The following SLC4A4 variants were observed in gnomAD, a reference collection of about 807,000 sequenced individuals.
SLC4A4 encodes solute carrier family 4 member 4.
In SLC4A4, 27 loss-of-function variants were observed where a neutral mutation model predicts 111.5. The observed-to-expected ratio is 0.24, with a 90% CI of 0.18 to 0.33. The LOEUF is 0.33. SLC4A4 is among the 10% of genes least tolerant of loss of function. The pLI, the probability that SLC4A4 is intolerant of heterozygous loss-of-function variation, is 1.00. For missense variants in SLC4A4, 909 were observed against 1,315.5 expected (o/e 0.69, Z 4.78); for synonymous variants, 443 against 463.4 (o/e 0.96, Z 0.57).
chr4:71,101,280 A>T (rs1458511117), intron 2 of SLC4A4, among the ~76,000 whole-genome samples: 3 of 152,098 alleles, frequency 2.0e-5, no homozygotes, highest in Non-Finnish European at 2.9e-5. Context: ...AAAACAAAAA[A>T]AATTCCATGC....
intron 2 of SLC4A4, among the ~76,000 whole-genome samples, chr4:71,238,033 C>T (rs1380811984): frequency 6.6e-6 from 1 of 152,046 alleles, no homozygotes; most frequent in Non-Finnish European, 1.5e-5. Flanking sequence ...GTCACTGTCC[C>T]AGTGTCAAAG....
intron 15 of SLC4A4, among the ~76,000 whole-genome samples, chr4:71,489,664 G>A (rs763640754): frequency 4.6e-5 from 7 of 151,702 alleles, no homozygotes; most frequent in East Asian, 2.0e-4. Context: ...AGGCTATTGC[G>A]TCCTCCGTCT....
chr4:71,156,588 G>GCGCGCGCACGCA lies in SLC4A4; in HGVS notation c.-2+63797_-2+63798insGCGCGCACGCAC, dbSNP rs376043069. 3.7e-3 allele frequency among the ~76,000 whole-genome samples: 510 copies of GCGCGCGCACGCA among 138,546 alleles called. 3 individuals carry two copies. Among genetic ancestry groups the GCGCGCGCACGCA allele is most frequent in the African/African-American group, 0.013 (490 of 36,612 alleles). 90.9% of individuals were successfully genotyped at this position (138,546 alleles called of 152,430 possible). On this transcript the variant is annotated intron_variant, in intron 2 of 26. Coordinates refer to the SLC4A4 transcript ENST00000649996. The stretch of plus-strand genomic sequence containing the variant: ...TGTGCGCGCATGCGCGCGCGCGCGC[G>GCGCGCGCACGCA]CACACACACACACACACACACACAC...
At chr4:71,552,392 T>TA (rs1736078372) in intron 20 of SLC4A4, among the ~76,000 whole-genome samples, 1 of 151,404 alleles carries the variant, frequency 6.6e-6, no homozygotes, top group South Asian at 2.1e-4. Context: ...CACACACACA[T>TA]ACAGTGACGA....
At chr4:71,172,172 T>C (rs1044014315) in intron 2 of SLC4A4, among the ~76,000 whole-genome samples, 3 of 152,196 alleles carry the variant, frequency 2.0e-5, no homozygotes, top group African/African-American at 7.2e-5. Context: ...GAAAGGAGTT[T>C]ACCTATCAAT....
At chr4:71,250,983 C>T (rs537656365) in intron 2 of SLC4A4, among the ~76,000 whole-genome samples, 9 of 152,228 alleles carry the variant, frequency 5.9e-5, no homozygotes, top group South Asian at 2.1e-4. Flanking sequence ...TAAAACACCT[C>T]GCAGTGCTTG....
chr4:71,311,169 T>C (rs1479788769), intron 3 of SLC4A4, among the ~76,000 whole-genome samples: 2 of 152,134 alleles, frequency 1.3e-5, no homozygotes, highest in Non-Finnish European at 2.9e-5. Context: ...ATGCACCCAA[T>C]ACAGGAGCAC....
At chr4:71,310,018 C>G (rs939528195) in intron 3 of SLC4A4, among the ~76,000 whole-genome samples, 2 of 151,552 alleles carry the variant, frequency 1.3e-5, no homozygotes, top group African/African-American at 4.9e-5. Flanking sequence ...AAACACAGCA[C>G]GAGAACTTCG....
chr4:71,485,399 AT>A (rs985482112), intron 14 of SLC4A4, among the ~76,000 whole-genome samples: 2 of 151,236 alleles, frequency 1.3e-5, no homozygotes, highest in Non-Finnish European at 3.0e-5. Context: ...ATAATCTGGT[AT>A]TTTTTTCTTT....
intron 1 of SLC4A4, among the ~76,000 whole-genome samples, chr4:71,087,418 G>A (rs1371627659): frequency 6.6e-6 from 1 of 151,944 alleles, no homozygotes; most frequent in East Asian, 1.9e-4. Flanking sequence ...GTTCTGCTCT[G>A]ATCTTAGTTA....
At chr4:71,566,437 G>A (rs1481104962) in intron 24 of SLC4A4, among the ~76,000 whole-genome samples, 1 of 151,736 alleles carries the variant, frequency 6.6e-6, no homozygotes. Context: ...AAAAGTTTAT[G>A]TGCCATTTGC....
intron 2 of SLC4A4, among the ~76,000 whole-genome samples, chr4:71,126,206 G>A (rs1396141429): frequency 6.6e-6 from 1 of 152,096 alleles, no homozygotes; most frequent in Non-Finnish European, 1.5e-5. Flanking sequence ...TTTCAATGAT[G>A]TGCATATTTT....
At chr4:71,534,435 A>G (rs1161342261) in intron 18 of SLC4A4, 47 bp downstream of exon 18, 2 of 1,581,938 alleles carry the variant, frequency 1.3e-6, no homozygotes, top group Admixed American at 1.7e-5. Context: ...CTTTCTTTTT[A>G]GTACTTGAAA....
chr4:71,325,845 G>A (rs561262157), intron 3 of SLC4A4, among the ~76,000 whole-genome samples: 2 of 151,932 alleles, frequency 1.3e-5, no homozygotes, highest in East Asian at 3.9e-4. Flanking sequence ...GAGCTTAAAG[G>A]TGGTTACTAA....
chr4:71,152,892 AG>A (rs1744346520), intron 2 of SLC4A4, among the ~76,000 whole-genome samples: 1 of 151,294 alleles, frequency 6.6e-6, no homozygotes, highest in African/African-American at 2.4e-5. Context: ...TTTTATCCTC[AG>A]GAAAGTGTCA....
intron 2 of SLC4A4, among the ~76,000 whole-genome samples, chr4:71,111,102 TA>T (rs1014493869): frequency 1.8e-4 from 27 of 152,240 alleles, no homozygotes; most frequent in African/African-American, 6.3e-4. Context: ...ATTTACAGGA[TA>T]AAAAAATTAT....
chr4:71,088,583 C>T (rs1742270582), intron 1 of SLC4A4, among the ~76,000 whole-genome samples: 1 of 151,908 alleles, frequency 6.6e-6, no homozygotes, highest in Non-Finnish European at 1.5e-5. Flanking sequence ...TTCAGGAGCT[C>T]TTTTTGGGCA....
chr4:71,404,710 C>T (rs887320334), intron 7 of SLC4A4, among the ~76,000 whole-genome samples: 1 of 152,078 alleles, frequency 6.6e-6, no homozygotes, highest in Non-Finnish European at 1.5e-5. Context: ...TGTTACAAAA[C>T]CAGAAAACAG....
At chr4:71,507,132 A>G (rs1731490584) in intron 16 of SLC4A4, among the ~76,000 whole-genome samples, 3 of 152,186 alleles carry the variant, frequency 2.0e-5, no homozygotes, top group Non-Finnish European at 4.4e-5. Flanking sequence ...ACCAGCCACT[A>G]CAAAAACACA....
Sources: gnomAD v4.1 joint callset for allele counts (sites outside exome capture counted in the v4.1 genomes callset) on GRCh38, gnomAD v4.1.1 for gene constraint, MANE v1.5 for transcripts, NCBI Gene and HGNC (gene_info 2026-07-23, HGNC 2026-07-21) for gene names.